The following ODAD2 variants were observed in gnomAD, a reference collection of about 807,000 sequenced individuals.
ODAD2 encodes outer dynein arm-docking complex subunit 2.
Under a neutral mutation model 106.8 loss-of-function variants are expected in ODAD2, and 89 were observed. That is an observed-to-expected ratio of 0.83 (90% CI 0.70 to 0.99). The LOEUF is 0.99. Ranked by LOEUF, ODAD2 falls within the 50% of genes least tolerant of loss-of-function variation. ODAD2 has a pLI of 0.00. For missense variants in ODAD2, 1,168 were observed against 1,238.5 expected, an observed-to-expected ratio of 0.94 and a Z score of 0.85; for synonymous variants, 404 against 436.2, an observed-to-expected ratio of 0.93 and a Z score of 0.92.
At chr10:27,909,876 G>C (rs1287515903) in intron 16 of ODAD2, among the ~76,000 whole-genome samples, 2 of 138,224 alleles carry the variant, frequency 1.4e-5, no homozygotes, top group African/African-American at 2.7e-5. Context: ...AACTTCCTAT[G>C]ACAAGAACAT....
chr10:27,987,007 G>A (rs147732197), intron 3 of ODAD2, among the ~76,000 whole-genome samples: 10 of 152,308 alleles, frequency 6.6e-5, no homozygotes, highest in African/African-American at 2.4e-4. Flanking sequence ...GCAGTATGCC[G>A]AGAGAGAGTG....
Position 27,984,228 on chromosome 10 carries a change from C to T in ODAD2, c.638G>A (p.Gly213Glu), listed in dbSNP as rs750082472. ...TTCCAAGACTGTTTGGTTTCCTTTT[C>T]CTGAGAAACGTTTGAGCAGTTCTAT... ...KDIELLKRFS[G>E]KGNQTVLESI... Residue 213 changes from glycine to glutamate, a missense_variant, in exon 5 of 20, where the codon GGA becomes GAA. Gly to Glu is a moderately conservative substitution (Grantham distance 98). This residue lies in a region of ODAD2 where 430 missense variants were observed against 452.2 expected (regional missense o/e 0.95). Transcript: ENST00000305242. 1 of 1,613,890 alleles carries T rather than the reference C, an allele frequency of 6.2e-7. No homozygotes were observed. The highest frequency in any genetic ancestry group is 2.2e-5 in the East Asian group (1 of 44,834).
At chr10:27,901,544 C>T (rs143237949) in intron 17 of ODAD2, among the ~76,000 whole-genome samples, 4,867 of 152,172 alleles carry the variant, frequency 0.032, 285 homozygotes, top group African/African-American at 0.11. Flanking sequence ...CAAGACCCAC[C>T]GGTGTGCTGT....
intron 10 of ODAD2, chr10:27,958,862 A>T (rs747352518): frequency 7.7e-6 from 10 of 1,303,802 alleles, no homozygotes; most frequent in African/African-American, 1.5e-5. Context: ...TAAGCGGCAG[A>T]ATTTCAACTC....
At chr10:27,881,561 C>T (rs1270377042) in intron 17 of ODAD2, among the ~76,000 whole-genome samples, 2 of 151,946 alleles carry the variant, frequency 1.3e-5, no homozygotes, top group African/African-American at 2.4e-5. Flanking sequence ...CACTTGAGCC[C>T]AGGAGTTTGA....
At chr10:27,962,843 CATCA>C (rs745915403) in intron 9 of ODAD2, among the ~76,000 whole-genome samples, 5 of 152,064 alleles carry the variant, frequency 3.3e-5, no homozygotes, top group Non-Finnish European at 7.4e-5. Context: ...ACTACTCATC[CATCA>C]CTCACATGTG....
intron 19 of ODAD2, among the ~76,000 whole-genome samples, chr10:27,845,173 AAC>A (rs1838634648): frequency 6.6e-6 from 1 of 152,194 alleles, no homozygotes; most frequent in Non-Finnish European, 1.5e-5. Context: ...GCCAGAGAGA[AAC>A]AGTGGGTTAC....
chr10:27,931,182 T>C (rs998215996), intron 16 of ODAD2, among the ~76,000 whole-genome samples: 1 of 152,146 alleles, frequency 6.6e-6, no homozygotes, highest in Non-Finnish European at 1.5e-5. Flanking sequence ...TGACACTTAT[T>C]TGGGGGGAAA....
Position 27,899,291 on chromosome 10 carries a change from C to T in ODAD2, c.2610+8372G>A, listed in dbSNP as rs528225360. On this transcript the variant is annotated intron_variant, in intron 17 of 19. Coordinates refer to ENST00000305242, the MANE Select transcript of ODAD2 (RefSeq NM_018076.5). ...ACAGTATACTCTGGCCCAGATACTACACTTTTCCCACGGTCTTTGCAACCC... is the reference window on the plus strand; with the variant it reads ...ACAGTATACTCTGGCCCAGATACTATACTTTTCCCACGGTCTTTGCAACCC... 4.6e-5 allele frequency among the ~76,000 whole-genome samples: 7 copies of T among 152,194 alleles called. No individual in the cohort carries two copies. The South Asian group carries it at 1.5e-3, about 32-fold the overall frequency.
chr10:27,923,644 T>G lies in ODAD2; in HGVS notation c.2495+11366A>C, dbSNP rs79511026. 7.9e-5 allele frequency among the ~76,000 whole-genome samples: 12 copies of G among 152,146 alleles called. No individual in the cohort carries two copies. In the East Asian group the frequency reaches 2.1e-3, roughly 27 times the overall value. On this transcript the variant is annotated intron_variant, in intron 16 of 19. Transcript: ENST00000305242. ...AATACACATCAAACTCTACACTCTGTTGATAAAGAATCCCAAGCACTGACA... is the reference window on the plus strand; with the variant it reads ...AATACACATCAAACTCTACACTCTGGTGATAAAGAATCCCAAGCACTGACA...
intron 16 of ODAD2, 111 bp from the exon 17 acceptor site, chr10:27,907,888 A>T: frequency 1.2e-5 from 7 of 585,872 alleles, no homozygotes; most frequent in East Asian, 3.3e-5. Context: ...TTTGCTTAGA[A>T]TTTTTTTTTT....
Position 27,994,941 on chromosome 10 carries a change from A to G in ODAD2, c.202T>C (p.Phe68Leu). ...TACCTGACAACATAACCTGATTCAA[A>G]TGCTGAGGGCGCCAAACTTGTGTTC... ...EWNTSLAPSA[F>L]ESGYVVSETT... Residue 68 changes from phenylalanine to leucine, a missense_variant, in exon 2 of 20, where the codon TTT (phenylalanine) becomes CTT (leucine). Physicochemically the swap from Phe to Leu is conservative, Grantham distance 22. Transcript: ENST00000305242. 1 of 1,614,186 alleles carries G rather than the reference A, an allele frequency of 6.2e-7. No individual in the cohort carries two copies. The highest frequency in any genetic ancestry group is 8.5e-7 in the Non-Finnish European group (1 of 1,180,024).
intron 19 of ODAD2, among the ~76,000 whole-genome samples, chr10:27,815,047 C>A (rs1227757428): frequency 6.6e-6 from 1 of 152,174 alleles, no homozygotes; most frequent in African/African-American, 2.4e-5. Context: ...CAGAAGATGA[C>A]CAATAAGGTC....
At chr10:27,952,796 A>C (rs1847451139) in intron 10 of ODAD2, among the ~76,000 whole-genome samples, 1 of 152,184 alleles carries the variant, frequency 6.6e-6, no homozygotes, top group South Asian at 2.1e-4. Context: ...CCAGGGTTGA[A>C]AACTATTGGT....
At chr10:27,874,265 G>A (rs893614210) in intron 17 of ODAD2, among the ~76,000 whole-genome samples, 2 of 152,032 alleles carry the variant, frequency 1.3e-5, no homozygotes, top group African/African-American at 2.4e-5. Flanking sequence ...ACATGAGATG[G>A]GTCTCCTGAA....
At chr10:27,922,525 G>C (rs1040303148) in intron 16 of ODAD2, among the ~76,000 whole-genome samples, 1 of 151,832 alleles carries the variant, frequency 6.6e-6, no homozygotes, top group African/African-American at 2.4e-5. Context: ...GAAAAGGAAG[G>C]GAGAAAAAGA....
intron 16 of ODAD2, among the ~76,000 whole-genome samples, chr10:27,930,260 T>C (rs918100065): frequency 6.6e-6 from 1 of 152,154 alleles, no homozygotes; most frequent in African/African-American, 2.4e-5. Flanking sequence ...TTCTATGATT[T>C]TGACCAGGCA....
intron 3 of ODAD2, among the ~76,000 whole-genome samples, chr10:27,986,155 A>G (rs1345240140): frequency 1.3e-5 from 2 of 152,244 alleles, no homozygotes; most frequent in African/African-American, 4.8e-5. Flanking sequence ...GGGAGAGGAG[A>G]GCAGCGAAAA....
intron 17 of ODAD2, among the ~76,000 whole-genome samples, chr10:27,899,861 G>T (rs567726570): frequency 6.6e-6 from 1 of 152,262 alleles, no homozygotes; most frequent in East Asian, 1.9e-4. Flanking sequence ...CAGAACACCT[G>T]GGGGAAGGGG....
Sources: gnomAD v4.1 joint callset for allele counts (sites outside exome capture counted in the v4.1 genomes callset) on GRCh38, gnomAD v4.1.1 for gene constraint, gnomAD v4.1.1 regional missense constraint, MANE v1.5 for transcripts, NCBI Gene and HGNC (gene_info 2026-07-23, HGNC 2026-07-21) for gene names.